The following DDX54 variants were observed in gnomAD, a reference collection of about 807,000 sequenced individuals.
DDX54 encodes the protein ATP-dependent RNA helicase DDX54.
DDX54 carries 67 observed loss-of-function variants against 105.5 expected under a neutral mutation model. The observed-to-expected ratio is 0.64, with a 90% CI of 0.52 to 0.78. The LOEUF (loss-of-function observed/expected upper bound fraction) is 0.78. Ranked by LOEUF, DDX54 falls within the 30% of genes least tolerant of loss-of-function variation. The pLI, the probability that DDX54 is intolerant of heterozygous loss-of-function variation, is 0.00. For synonymous variants in DDX54, 514 were observed against 509.9 expected (o/e 1.01, Z -0.11); for missense variants, 1,206 against 1,230.5 (o/e 0.98, Z 0.30).
intron 4 of DDX54, 27 bp from the exon 5 acceptor site, chr12:113,179,053 G>A (rs1296093501): frequency 1.9e-6 from 3 of 1,613,904 alleles, no homozygotes; most frequent in Non-Finnish European, 2.5e-6. Flanking sequence ...ATTGAGAGAG[G>A]GCAGGGGTGA....
intron 14 of DDX54, 83 bp from the exon 15 acceptor site, chr12:113,164,368 C>T (rs1375554404): frequency 2.8e-5 from 40 of 1,450,532 alleles, no homozygotes; most frequent in Middle Eastern, 2.3e-4. Flanking sequence ...TTCCTATGGG[C>T]GTTCTTCCCC....
Position 113,172,412 on chromosome 12 carries a change from A to G in DDX54, c.1220T>C (p.Leu407Pro). 6.2e-7 allele frequency: 1 copy of G among 1,614,276 alleles called. No individual in the cohort carries two copies. The highest frequency in any genetic ancestry group is 8.5e-7 in the Non-Finnish European group (1 of 1,180,052). Residue 407 changes from leucine (L) to proline (P), a missense_variant, in exon 11 of 20, where the codon CTG becomes CCG. Coordinates refer to ENST00000306014, the MANE Select transcript of DDX54 (RefSeq NM_024072.4). The stretch of plus-strand genomic sequence containing the variant: ...GAAGCTGTAGTTGATGACATTGTCC[A>G]GCAGCGGGATGTCCAGGCCTCGGGC... ...LAARGLDIPL[L>P]DNVINYSFPA... is the part of the protein sequence containing the mutation.
Position 113,157,965 on chromosome 12 carries a change from G to T in DDX54, c.*912C>A. 2.1e-6 allele frequency: 1 copy of T among 469,380 alleles called. No individual in the cohort carries two copies. Among genetic ancestry groups the T allele is most frequent in the Non-Finnish European group, 3.9e-6 (1 of 259,070 alleles). The allele number at this position is 469,380 out of a possible 1,614,324, so 29.1% of individuals were successfully genotyped here. ...GATCAGACCAGGCCCTCCCTGCCAG[G>T]GTGGTTGGGGCATGAAAAAAAACTC... On this transcript the variant is annotated 3_prime_UTR_variant, in exon 20 of 20. Coordinates refer to ENST00000306014, the MANE Select transcript of DDX54 (RefSeq NM_024072.4).
rs1384306398 is a variant in DDX54 at position 113,157,635 on chromosome 12, C to A, written c.*1242G>T. 2.6e-6 allele frequency: 4 copies of A among 1,551,664 alleles called. No individual in the cohort carries two copies. The Admixed American group carries it at 7.8e-5, about 30-fold the overall frequency. On this transcript the variant is annotated 3_prime_UTR_variant, in exon 20 of 20. Coordinates refer to ENST00000306014, the MANE Select transcript of DDX54 (RefSeq NM_024072.4). ...GTTCATGCAGGACCTCTCTGCCATGCTGGCCGGCCTGGGTCAGGCTGAGCC... is the reference window on the plus strand; with the variant it reads ...GTTCATGCAGGACCTCTCTGCCATGATGGCCGGCCTGGGTCAGGCTGAGCC...
In DDX54 at chr12:113,175,023, C is replaced by T. The variant is rs1391117438; in HGVS notation, c.874+13G>A. The T allele has an allele frequency of 1.9e-6, 3 of 1,613,664 alleles. No homozygotes were observed. Among genetic ancestry groups the T allele is most frequent in the East Asian group, 2.2e-5 (1 of 44,888 alleles). On this transcript the variant is annotated intron_variant, in intron 8 of 19. Transcript: ENST00000306014. Reference sequence around the variant, plus strand: ...TGACCCCCAGCCCCCATCTCCACCCCCAGCTCACGCACCAGCCCGGGCAAA... The same window carrying T: ...TGACCCCCAGCCCCCATCTCCACCCTCAGCTCACGCACCAGCCCGGGCAAA...
At chr12:113,174,830 C>A (rs1027325266) in intron 9 of DDX54, 45 bp downstream of exon 9, 2 of 1,614,204 alleles carry the variant, frequency 1.2e-6, no homozygotes, top group Admixed American at 1.7e-5. Context: ...GCCTGCAGGG[C>A]CCACCTGGAC....
In DDX54 at chr12:113,172,432, T is replaced by G. The variant is rs1952352826; in HGVS notation, c.1200A>C (p.Arg400=). ...TGTCCAGCAGCGGGATGTCCAGGCC[T>G]CGGGCGGCCAGGTCAGTCACAATGA... ...STLIVTDLAA[R]GLDIPLLDNV... Residue 400 remains arginine, a synonymous_variant, in exon 11 of 20, where the codon CGA becomes CGC. Coordinates refer to ENST00000306014, the MANE Select transcript of DDX54 (RefSeq NM_024072.4). The G allele has an allele frequency of 6.2e-7, 1 of 1,614,120 alleles. No homozygotes were observed. The highest frequency in any genetic ancestry group is 1.1e-5 in the South Asian group (1 of 91,094).
At chr12:113,161,756 A>G in intron 18 of DDX54, 137 bp downstream of exon 18, 1 of 619,394 alleles carries the variant, frequency 1.6e-6, no homozygotes, top group Non-Finnish European at 2.7e-6. Flanking sequence ...CATCTATTGG[A>G]GATGCGGCTG....
At chr12:113,168,767 C>T (rs530660420) in intron 12 of DDX54, among the ~76,000 whole-genome samples, 1 of 152,268 alleles carries the variant, frequency 6.6e-6, no homozygotes, top group African/African-American at 2.4e-5. Context: ...CCTGTCTCTA[C>T]TAAAAATACA....
At chr12:113,182,312 T>C (rs1952476839) in intron 1 of DDX54, among the ~76,000 whole-genome samples, 1 of 152,226 alleles carries the variant, frequency 6.6e-6, no homozygotes, top group South Asian at 2.1e-4. Context: ...GGCAGAGCCA[T>C]GGCCTGTCTT....
At chr12:113,169,017 T>G (rs945137735) in intron 12 of DDX54, among the ~76,000 whole-genome samples, 1 of 152,064 alleles carries the variant, frequency 6.6e-6, no homozygotes, top group South Asian at 2.1e-4. Context: ...TGAAAACTCA[T>G]CAAGTATAGG....
chr12:113,185,139 CA>C (rs1952513788), intron 1 of DDX54, 138 bp downstream of exon 1: 1 of 1,168,430 alleles, frequency 8.6e-7, no homozygotes, highest in African/African-American at 1.6e-5. Context: ...CCGGCGGTCC[CA>C]AGACCGGTCC....
At position 113,157,732 on chromosome 12, in the gene DDX54, G is replaced by C. The variant is rs1452589290; in HGVS notation, c.*1145C>G. 1.2e-5 allele frequency: 17 copies of C among 1,411,754 alleles called. No homozygotes were observed. In the Admixed American group the frequency reaches 3.3e-4, roughly 28 times the overall value. The allele number at this position is 1,411,754 out of a possible 1,614,324, so 87.5% of individuals were successfully genotyped here. On this transcript the variant is annotated 3_prime_UTR_variant, in exon 20 of 20. Coordinates refer to ENST00000306014, the MANE Select transcript of DDX54 (RefSeq NM_024072.4). ...GGAACCCCTGAGAGACCCTGAGATA[G>C]GAGGGCCCACATTTCCAATGGGGTG...
Position 113,185,458 on chromosome 12 carries a change from C to G in DDX54, c.-7G>C, listed in dbSNP as rs773719749. ...GGCCCTTGTCGGCCGCCATTCGGGC[C>G]GCGCGCTGGGAACGCAGAAGGGGGC... On this transcript the variant is annotated 5_prime_UTR_variant, in exon 1 of 20. Coordinates refer to ENST00000306014, the MANE Select transcript of DDX54 (RefSeq NM_024072.4). 17 of 1,496,438 alleles carry G rather than the reference C, an allele frequency of 1.1e-5. No individual in the cohort carries two copies. The Admixed American group carries it at 2.6e-4, about 23-fold the overall frequency. The allele number at this position is 1,496,438 out of a possible 1,614,324, so 92.7% of individuals were successfully genotyped here.
chr12:113,162,836 G>T, intron 17 of DDX54, 96 bp downstream of exon 17: 2 of 1,222,192 alleles, frequency 1.6e-6, no homozygotes, highest in South Asian at 1.5e-5. Flanking sequence ...CATGGAGGGA[G>T]GGGCGGCTCA....
At chr12:113,166,570 G>A (rs1006659583) in intron 12 of DDX54, among the ~76,000 whole-genome samples, 1 of 152,082 alleles carries the variant, frequency 6.6e-6, no homozygotes, top group African/African-American at 2.4e-5. Context: ...GCATGGTGGT[G>A]TGCCCCTGTA....
intron 19 of DDX54, among the ~76,000 whole-genome samples, chr12:113,160,336 C>T (rs1044108909): frequency 6.6e-6 from 1 of 152,222 alleles, no homozygotes; most frequent in African/African-American, 2.4e-5. Context: ...TGGTCCCAAA[C>T]TCCCCTCTCC....
At position 113,158,758 on chromosome 12, in the gene DDX54, C is replaced by T. The variant is rs1952166913; in HGVS notation, c.*119G>A. The T allele has an allele frequency of 1.8e-6, 2 of 1,133,094 alleles. No homozygotes were observed. The highest frequency in any genetic ancestry group is 3.1e-5 in the African/African-American group (2 of 63,880). 70.2% of individuals were successfully genotyped at this position (1,133,094 alleles called of 1,614,324 possible). On this transcript the variant is annotated 3_prime_UTR_variant, in exon 20 of 20. Transcript: ENST00000306014. The surrounding 1 kb of genome is among the most constrained non-coding windows in gnomAD (Gnocchi z 4.9). The stretch of plus-strand genomic sequence containing the variant: ...CAGTGCTCCTTTTCACAGATGATGG[C>T]TCCTGCAGGGAGTGCCCCCAGTGCC...
chr12:113,178,545 CTTT>C (rs886765741), intron 5 of DDX54: 12 of 143,560 alleles, frequency 8.4e-5, no homozygotes, highest in Admixed American at 1.4e-4. Flanking sequence ...TTTGTTTTTT[CTTT>C]TTTTTTTTTT....
Sources: gnomAD v4.1 joint callset for allele counts (sites outside exome capture counted in the v4.1 genomes callset) on GRCh38, gnomAD v4.1.1 for gene constraint, Gnocchi (gnomAD v3.1) non-coding constraint, MANE v1.5 for transcripts, NCBI Gene and HGNC (gene_info 2026-07-23, HGNC 2026-07-21) for gene names.